The following CARD14 variants were observed in gnomAD, a reference collection of about 807,000 sequenced individuals.
CARD14 encodes caspase recruitment domain family member 14.
In CARD14, 107 loss-of-function variants were observed where a neutral mutation model predicts 111.5. That is an observed-to-expected ratio of 0.96 (90% confidence interval 0.82 to 1.13). The LOEUF is 1.13. Among genes scored for constraint, CARD14 ranks in the 50% most tolerant of loss-of-function variants. CARD14 has a pLI of 0.00. For missense variants in CARD14, 1,322 were observed against 1,362.3 expected, an observed-to-expected ratio of 0.97 and a Z score of 0.47; for synonymous variants, 617 against 579.6, an observed-to-expected ratio of 1.06 and a Z score of -0.93.
At chr17:80,187,906 C>T (rs988303036) in intron 7 of CARD14, 1 of 985,662 alleles carries the variant, frequency 1.0e-6, no homozygotes, top group African/African-American at 1.7e-5. Context: ...CTGAACAGCC[C>T]CGGTCCCGCG....
intron 1 of CARD14, among the ~76,000 whole-genome samples, chr17:80,172,014 A>G (rs1180212213): frequency 6.6e-6 from 1 of 152,240 alleles, no homozygotes; most frequent in African/African-American, 2.4e-5. Context: ...ATATCCGCAG[A>G]GACCTGGCTG....
At chr17:80,191,265 T>C (rs1437014190) in intron 10 of CARD14, 58 bp from the exon 11 acceptor site, 3 of 1,582,568 alleles carry the variant, frequency 1.9e-6, no homozygotes, top group Non-Finnish European at 2.6e-6. Context: ...TCTCCTTCTC[T>C]AGCTGAGGCT....
intron 21 of CARD14, 98 bp downstream of exon 21, chr17:80,205,303 C>T (rs2041235399): frequency 3.3e-6 from 4 of 1,226,544 alleles, no homozygotes; most frequent in South Asian, 2.9e-5. Flanking sequence ...TCCTCCTTCC[C>T]TCCCCCACCA....
chr17:80,180,509 C>A (rs372295068), intron 4 of CARD14, among the ~76,000 whole-genome samples: 3 of 152,210 alleles, frequency 2.0e-5, no homozygotes, highest in African/African-American at 7.2e-5. Context: ...CTGCGCAGTC[C>A]TCTGTGTCAC....
intron 22 of CARD14, 91 bp downstream of exon 22, chr17:80,205,743 G>C (rs1250555403): frequency 7.6e-7 from 1 of 1,322,020 alleles, no homozygotes; most frequent in Non-Finnish European, 1.0e-6. Context: ...TACAGGGACC[G>C]ACCTGAGACC....
At position 80,188,059 on chromosome 17, in the gene CARD14, C is replaced by T; in HGVS notation, c.676-318C>T. ...CCAGGGAGCATGCTGGCCATCACTG[C>T]CGGCTGCTCAGCTGTAGAGATCCAG... On this transcript the variant is annotated intron_variant, in intron 7 of 23. Coordinates refer to ENST00000648509, the MANE Select transcript of CARD14 (RefSeq NM_001366385.1). This position sits in a 1 kb window ranked among gnomAD's most constrained non-coding sequence, Gnocchi z 4.5. The T allele has an allele frequency of 2.6e-6, 2 of 761,482 alleles. No homozygotes were observed. Among genetic ancestry groups the T allele is most frequent in the Non-Finnish European group, 3.3e-6 (2 of 614,706 alleles). The allele number at this position is 761,482 out of a possible 1,614,324, so 47.2% of individuals were successfully genotyped here. A position where few individuals can be genotyped will look rare whatever the true frequency, so the allele number is the denominator to read the frequency against.
At chr17:80,187,264 A>G (rs189641032) in intron 7 of CARD14, among the ~76,000 whole-genome samples, 1 of 152,302 alleles carries the variant, frequency 6.6e-6, no homozygotes, top group Admixed American at 6.5e-5. Context: ...TGCCATTAAC[A>G]GCCCCGCTAA....
Position 80,188,207 on chromosome 17 carries a change from A to G in CARD14, c.676-170A>G, listed in dbSNP as rs2144231843. The G allele has an allele frequency of 1.5e-6, 1 of 657,294 alleles. No homozygotes were observed. Among genetic ancestry groups the G allele is most frequent in the East Asian group, 3.5e-5 (1 of 28,656 alleles). The allele number at this position is 657,294 out of a possible 1,614,324, so 40.7% of individuals were successfully genotyped here. A position where few individuals can be genotyped will look rare whatever the true frequency, so the allele number is the denominator to read the frequency against. On this transcript the variant is annotated intron_variant, in intron 7 of 23. Transcript: ENST00000648509. The surrounding 1 kb of genome is among the most constrained non-coding windows in gnomAD (Gnocchi z 4.5). Reference sequence around the variant, plus strand: ...TCTGTCCTCCCAGCCCCAGTTGAATATTTGGGACTATTCATTAGGTGAACC... The same window carrying G: ...TCTGTCCTCCCAGCCCCAGTTGAATGTTTGGGACTATTCATTAGGTGAACC...
intron 16 of CARD14, among the ~76,000 whole-genome samples, chr17:80,199,859 G>A (rs1035288852): frequency 6.6e-6 from 1 of 152,208 alleles, no homozygotes; most frequent in African/African-American, 2.4e-5. Context: ...CTGGGTGACA[G>A]AGTGAGACTC....
Position 80,205,017 on chromosome 17 carries a change from G to A in CARD14, c.2399-18G>A, listed in dbSNP as rs752390972. 6.5e-7 allele frequency: 1 copy of A among 1,545,320 alleles called. No homozygotes were observed. The highest frequency in any genetic ancestry group is 1.4e-5 in the African/African-American group (1 of 73,480). On this transcript the variant is annotated intron_variant, in intron 20 of 23. Transcript: ENST00000648509. ...GCTGCCGCAGCCTCACCCACCCTCA[G>A]GATCCTCTCCTCCACAGGCTCCAGC...
Position 80,205,073 on chromosome 17 carries a change from C to T in CARD14, c.2437C>T (p.Leu813=). ...TCFWAESCLT[L]VPYTLVRPHR... Reference sequence around the variant, plus strand: ...CTTCTGGGCCGAGAGCTGCCTCACCCTGGTGCCCTATACCCTGGTGCGGCC... The same window carrying T: ...CTTCTGGGCCGAGAGCTGCCTCACCTTGGTGCCCTATACCCTGGTGCGGCC... The change falls in exon 21 of 24, where the codon CTG becomes TTG. Residue 813 remains leucine, a synonymous_variant. Coordinates refer to ENST00000648509, the MANE Select transcript of CARD14 (RefSeq NM_001366385.1). The T allele has an allele frequency of 6.2e-7, 1 of 1,611,464 alleles. No homozygotes were observed.
chr17:80,183,766 A>C, intron 6 of CARD14, 147 bp from the exon 7 acceptor site: 2 of 432,186 alleles, frequency 4.6e-6, no homozygotes, highest in East Asian at 4.7e-5. Context: ...TCAGCTGCCC[A>C]CATGCTCACC....
intron 18 of CARD14, chr17:80,202,676 T>G: frequency 3.3e-6 from 4 of 1,211,760 alleles, no homozygotes; most frequent in East Asian, 3.2e-5. Flanking sequence ...TTAGCTTTGG[T>G]ACCATGGACG....
At chr17:80,192,462 C>A in intron 11 of CARD14, 41 bp from the exon 12 acceptor site, 1 of 1,540,944 alleles carries the variant, frequency 6.5e-7, no homozygotes, top group Non-Finnish European at 9.0e-7. Context: ...AAAGCGGAAC[C>A]TTTCCCGAAT....
rs771183063 is a variant in CARD14, at chr17:80,208,354, G to A, written c.*9G>A. On this transcript the variant is annotated 3_prime_UTR_variant, in exon 24 of 24. Transcript: ENST00000648509. Reference sequence around the variant, plus strand: ...AGCAGAGCCCCCGATGATGCACCGTGCCCCTTCCCGGGACTGTGGGGGCTT... The same window carrying A: ...AGCAGAGCCCCCGATGATGCACCGTACCCCTTCCCGGGACTGTGGGGGCTT... 1.9e-6 allele frequency: 3 copies of A among 1,580,456 alleles called. No homozygotes were observed. Among genetic ancestry groups the A allele is most frequent in the East Asian group, 4.6e-5 (2 of 43,888 alleles).
chr17:80,191,837 T>C (rs2040540968), intron 11 of CARD14, among the ~76,000 whole-genome samples: 1 of 152,050 alleles, frequency 6.6e-6, no homozygotes, highest in Admixed American at 6.6e-5. Context: ...GCTGTGTTCC[T>C]GAAATGCTTA....
At chr17:80,176,150 C>T (rs1167130426) in intron 2 of CARD14, among the ~76,000 whole-genome samples, 8 of 148,458 alleles carry the variant, frequency 5.4e-5, no homozygotes, top group African/African-American at 2.0e-4. Flanking sequence ...TAACTCACGG[C>T]CAAACACAGT....
intron 12 of CARD14, among the ~76,000 whole-genome samples, chr17:80,193,841 C>T (rs1223306511): frequency 1.3e-5 from 2 of 152,172 alleles, no homozygotes; most frequent in Non-Finnish European, 2.9e-5. Context: ...AATCGACTCT[C>T]GCATCTGCCT....
At chr17:80,186,955 C>A (rs1009198268) in intron 7 of CARD14, among the ~76,000 whole-genome samples, 1 of 152,248 alleles carries the variant, frequency 6.6e-6, no homozygotes, top group Non-Finnish European at 1.5e-5. Flanking sequence ...GAAACACACA[C>A]ACATGTATGG....
Sources: gnomAD v4.1 joint callset for allele counts (sites outside exome capture counted in the v4.1 genomes callset) on GRCh38, gnomAD v4.1.1 for gene constraint, Gnocchi (gnomAD v3.1) non-coding constraint, MANE v1.5 for transcripts, NCBI Gene and HGNC (gene_info 2026-07-23, HGNC 2026-07-21) for gene names.